Variants in PTRH1 observed in about 807,000 individuals in gnomAD.
PTRH1 encodes peptidyl-tRNA hydrolase.
Under a neutral mutation model 15.7 loss-of-function variants are expected in PTRH1, and 13 were observed. The observed-to-expected ratio is 0.83, with a 90% CI of 0.54 to 1.31. PTRH1 has a LOEUF of 1.31. PTRH1 is among the 40% of genes most tolerant of loss of function. The pLI, the probability that PTRH1 is intolerant of heterozygous loss-of-function variation, is 0.00. For synonymous variants in PTRH1, 139 were observed against 136.7 expected, an observed-to-expected ratio of 1.02 and a Z score of -0.12; for missense variants, 319 against 296.2, an observed-to-expected ratio of 1.08 and a Z score of -0.56.
downstream of PTRH1, chr9:127,711,388 G>A: frequency 5.0e-6 from 8 of 1,614,202 alleles, no homozygotes; most frequent in Non-Finnish European, 6.8e-6. Context: ...TGAAGCTGCT[G>A]CAGGAGAATG....
Position 127,714,958 on chromosome 9 carries a change from T to G in PTRH1, c.316+17A>C. On this transcript the variant is annotated intron_variant, in intron 2 of 4. Coordinates refer to ENST00000543175, the MANE Select transcript of PTRH1 (RefSeq NM_001002913.3). ...CCCCCTTGGCCCGCCCGCCCACCCC[T>G]GGCGCTCTCAACTCACCAGCCCGGG... The G allele has an allele frequency of 1.3e-5, 1 of 74,964 alleles. No homozygotes were observed. The highest frequency in any genetic ancestry group is 2.4e-5 in the Non-Finnish European group (1 of 41,670). 4.6% of individuals were successfully genotyped at this position (74,964 alleles called of 1,614,324 possible).
exon 2 of PTRH1, chr9:127,695,053 T>TTGTTGA: frequency 1.5e-6 from 1 of 671,456 alleles, no homozygotes; most frequent in Middle Eastern, 2.4e-4. Flanking sequence ...GGCTCAGCCA[T>TTGTTGA]TGATGATGAT....
Position 127,714,101 on chromosome 9 carries a change from C to G in PTRH1, c.644G>C (p.Ter215SerextTer2). 7 of 1,612,088 alleles carry G rather than the reference C, an allele frequency of 4.3e-6. No individual in the cohort carries two copies. The highest frequency in any genetic ancestry group is 5.1e-6 in the Non-Finnish European group (6 of 1,179,404). ...GGCAGGCAGCCATGGCCACTAGTGTCACGGCCCCAGTGAGGGCCCCTGGCT... is the reference window on the plus strand; with the variant it reads ...GGCAGGCAGCCATGGCCACTAGTGTGACGGCCCCAGTGAGGGCCCCTGGCT... The part of the protein sequence containing the change: ...ERSQGPSLGP[*>S] Residue 215 changes from the stop codon to serine, a stop_lost, in exon 5 of 5, where the codon TGA becomes TCA. Transcript: ENST00000543175.
rs550263616 is a variant in PTRH1, at chr9:127,715,434, C to G, written c.96+110G>C. 6.8e-7 allele frequency: 1 copy of G among 1,479,026 alleles called. No individual in the cohort carries two copies. The highest frequency in any genetic ancestry group is 9.3e-7 in the Non-Finnish European group (1 of 1,077,734). 91.6% of individuals were successfully genotyped at this position (1,479,026 alleles called of 1,614,324 possible). On this transcript the variant is annotated intron_variant, in intron 1 of 4. Coordinates refer to ENST00000543175, the MANE Select transcript of PTRH1 (RefSeq NM_001002913.3). The surrounding 1 kb of genome is among the most constrained non-coding windows in gnomAD (Gnocchi z 5.8). ...TGGAGCCCGTCGAGCACTGAACTCA[C>G]CAGTTAAGAAAACAGAGCAGCAATT...
chr9:127,697,498 A>C (rs1842570846), intron 1 of PTRH1, among the ~76,000 whole-genome samples: 1 of 152,010 alleles, frequency 6.6e-6, no homozygotes, highest in Admixed American at 6.6e-5. Flanking sequence ...CATCTCTACA[A>C]AAAAAAACAT....
chr9:127,707,258 T>A, intron 1 of PTRH1: 2 of 1,565,082 alleles, frequency 1.3e-6, no homozygotes, highest in Non-Finnish European at 1.7e-6. Context: ...GTGGCCCCCA[T>A]GCAGGTTTGG....
At chr9:127,711,857 A>C, downstream of PTRH1, 4 of 1,581,078 alleles carry the variant, frequency 2.5e-6, no homozygotes, top group Non-Finnish European at 3.4e-6. Flanking sequence ...CAGGAGCAGC[A>C]GCAGGACACC....
Position 127,705,586 on chromosome 9 carries a change from C to G in PTRH1, c.205+9849G>C, listed in dbSNP as rs1401671081. ...TTAAGCTGGGAATTCAGAGCTACCC[C>G]CTGCAATGGGCCTGGGGAAAAGAGA... On this transcript the variant is annotated intron_variant, in intron 1 of 2. Transcript: ENST00000335223. This position sits in a 1 kb window ranked among gnomAD's most constrained non-coding sequence, Gnocchi z 4.7. Among the ~76,000 whole-genome samples, 1 of 152,356 alleles carries G rather than the reference C, an allele frequency of 6.6e-6. No individual in the cohort carries two copies. The highest frequency in any genetic ancestry group is 2.1e-4 in the South Asian group (1 of 4,828).
At chr9:127,712,968 C>T, downstream of PTRH1, 1 of 1,599,604 alleles carries the variant, frequency 6.3e-7, no homozygotes, top group Non-Finnish European at 8.5e-7. Context: ...TCACCCTGGG[C>T]CAGAAACCTG....
intron 1 of PTRH1, among the ~76,000 whole-genome samples, chr9:127,708,515 T>A (rs1842696729): frequency 6.6e-6 from 1 of 152,166 alleles, no homozygotes; most frequent in Non-Finnish European, 1.5e-5. Flanking sequence ...TAAAAAAAAC[T>A]TTTCAAGTAA....
In PTRH1 at chr9:127,705,745, G is replaced by A. The variant is rs551574790; in HGVS notation, c.205+9690C>T. Among the ~76,000 whole-genome samples, 1 of 152,216 alleles carries A rather than the reference G, an allele frequency of 6.6e-6. No homozygotes were observed. The highest frequency in any genetic ancestry group is 1.5e-5 in the Non-Finnish European group (1 of 68,018). On this transcript the variant is annotated intron_variant, in intron 1 of 2. Transcript: ENST00000335223. The surrounding 1 kb of genome is among the most constrained non-coding windows in gnomAD (Gnocchi z 4.7). The stretch of plus-strand genomic sequence containing the variant: ...AATGTCCAGCAGGAGCAGGGCCATC[G>A]CATTGAGCTGGAAGGGCACTGGGCC...
downstream of PTRH1, chr9:127,713,543 G>T (rs1588397024): frequency 3.2e-5 from 6 of 190,154 alleles, no homozygotes; most frequent in East Asian, 1.2e-4. Flanking sequence ...GTCTCACTCT[G>T]TCACCCAGAC....
chr9:127,715,489 G>A lies in PTRH1; in HGVS notation c.96+55C>T, dbSNP rs504434. 843,608 of 1,609,450 alleles carry A rather than the reference G, an allele frequency of 0.52. 223,959 individuals are homozygous for A. Among genetic ancestry groups the A allele is most frequent in the Middle Eastern group, 0.62 (3,781 of 6,054 alleles). ...GGCACTCGGCTCCCGGGACATAATGGCCGAACTGAAGCTAGGGACCGGGAG... is the reference window on the plus strand; with the variant it reads ...GGCACTCGGCTCCCGGGACATAATGACCGAACTGAAGCTAGGGACCGGGAG... On this transcript the variant is annotated intron_variant, in intron 1 of 4. Coordinates refer to ENST00000543175, the MANE Select transcript of PTRH1 (RefSeq NM_001002913.3). This position sits in a 1 kb window ranked among gnomAD's most constrained non-coding sequence, Gnocchi z 5.8.
chr9:127,714,344 C>T (rs747365184), intron 4 of PTRH1, 35 bp downstream of exon 4: 4 of 1,614,154 alleles, frequency 2.5e-6, no homozygotes, highest in Non-Finnish European at 2.5e-6. Context: ...CCCTGGCCCA[C>T]CCGACCCAGT....
chr9:127,712,790 A>G (rs1842798103), downstream of PTRH1: 4 of 1,614,200 alleles, frequency 2.5e-6, no homozygotes, highest in East Asian at 2.2e-5. Context: ...ACTGCTGGTC[A>G]TGCTCAGCTC....
intron 2 of PTRH1, 26 bp downstream of exon 2, chr9:127,714,944 CGCCCG>C: frequency 2.6e-6 from 1 of 391,070 alleles, no homozygotes; most frequent in Non-Finnish European, 4.8e-6. Context: ...CCCCTTGGCC[CGCCCG>C]CCCACCCCTG....
rs1296418061 is a variant in PTRH1, at chr9:127,714,606, G to C, written c.413C>G (p.Ala138Gly). Residue 138 changes from alanine (A) to glycine (G), a missense_variant, in exon 3 of 5, where the codon GCC (alanine) becomes GGC (glycine). Coordinates refer to ENST00000543175, the MANE Select transcript of PTRH1 (RefSeq NM_001002913.3). ...CCTGACCATCTCAGGACCTCACCTGGCACTGCCCCCCAGCTTCAGAGCCAG... is the reference window on the plus strand; with the variant it reads ...CCTGACCATCTCAGGACCTCACCTGCCACTGCCCCCCAGCTTCAGAGCCAG... ...GRLALKLGGS[A>G]RGHNGVRSCI... is the part of the protein sequence containing the mutation. 6.8e-6 allele frequency: 11 copies of C among 1,613,514 alleles called. No individual in the cohort carries two copies. Among genetic ancestry groups the C allele is most frequent in the Non-Finnish European group, 9.3e-6 (11 of 1,179,628 alleles).
intron 2 of PTRH1, 109 bp downstream of exon 2, chr9:127,714,866 C>G: frequency 9.2e-7 from 1 of 1,082,192 alleles, no homozygotes; most frequent in Non-Finnish European, 1.3e-6. Context: ...TCAACAGGTA[C>G]TTGGAGGTGA....
chr9:127,710,917 A>G (rs1234257795), downstream of PTRH1, among the ~76,000 whole-genome samples: 1 of 152,084 alleles, frequency 6.6e-6, no homozygotes, highest in Non-Finnish European at 1.5e-5. Context: ...GTGATTATGG[A>G]GGGGTGGGAG....
Sources: gnomAD v4.1 joint callset for allele counts (sites outside exome capture counted in the v4.1 genomes callset) on GRCh38, gnomAD v4.1.1 for gene constraint, Gnocchi (gnomAD v3.1) non-coding constraint, MANE v1.5 for transcripts, NCBI Gene and HGNC (gene_info 2026-07-23, HGNC 2026-07-21) for gene names.